The following ADGB variants were observed in gnomAD, a reference collection of about 807,000 sequenced individuals.
The protein encoded by ADGB is androglobin.
Under a neutral mutation model 210.5 loss-of-function variants are expected in ADGB, and 172 were observed. The observed-to-expected ratio is 0.82, with a 90% CI of 0.72 to 0.93. ADGB has a LOEUF of 0.93. Ranked by LOEUF, ADGB falls within the 40% of genes least tolerant of loss-of-function variation. The pLI is 0.00. For missense variants in ADGB, 2,025 were observed against 1,964.8 expected (o/e 1.03, Z -0.58); for synonymous variants, 658 against 662.7 (o/e 0.99, Z 0.11).
intron 9 of ADGB, among the ~76,000 whole-genome samples, chr6:146,677,547 C>A (rs1295559942): frequency 6.6e-6 from 1 of 151,930 alleles, no homozygotes; most frequent in Admixed American, 6.6e-5. Context: ...TATATTGATG[C>A]CTTAAGCAAT....
At chr6:146,805,373 G>T (rs1778195837) in intron 35 of ADGB, among the ~76,000 whole-genome samples, 1 of 152,124 alleles carries the variant, frequency 6.6e-6, no homozygotes, top group African/African-American at 2.4e-5. Context: ...CCCAATTTGT[G>T]GTTCTTACAG....
At chr6:146,806,978 A>C (rs1030792508) in intron 35 of ADGB, among the ~76,000 whole-genome samples, 14 of 152,212 alleles carry the variant, frequency 9.2e-5, no homozygotes, top group African/African-American at 3.4e-4. Context: ...ATTTGGCCAT[A>C]CTATTTGGAG....
At chr6:146,811,752 A>C (rs1039843352) in intron 35 of ADGB, among the ~76,000 whole-genome samples, 4 of 151,602 alleles carry the variant, frequency 2.6e-5, no homozygotes, top group Admixed American at 2.6e-4. Flanking sequence ...GCTCACTGCA[A>C]CCTCCACCTC....
At chr6:146,788,922 TA>T (rs1296778902) in intron 33 of ADGB, among the ~76,000 whole-genome samples, 1 of 152,208 alleles carries the variant, frequency 6.6e-6, no homozygotes, top group African/African-American at 2.4e-5. Context: ...CACTTCTCGT[TA>T]AACACAGATT....
intron 1 of ADGB, among the ~76,000 whole-genome samples, chr6:146,610,593 G>A (rs1327350993): frequency 1.3e-5 from 2 of 152,150 alleles, no homozygotes; most frequent in African/African-American, 4.8e-5. Flanking sequence ...TTCATTTCTG[G>A]ATGATTTCAG....
intron 10 of ADGB, among the ~76,000 whole-genome samples, chr6:146,689,892 C>T (rs1344548603): frequency 2.0e-5 from 3 of 152,064 alleles, no homozygotes; most frequent in Non-Finnish European, 4.4e-5. Context: ...CACTCTAAGA[C>T]ATAATTCCAG....
At chr6:146,711,178 A>G (rs1286224034) in intron 13 of ADGB, among the ~76,000 whole-genome samples, 1 of 152,208 alleles carries the variant, frequency 6.6e-6, no homozygotes, top group African/African-American at 2.4e-5. Context: ...TTACTGCTGA[A>G]GCAAATATGA....
chr6:146,613,240 A>C (rs576801555), intron 1 of ADGB, among the ~76,000 whole-genome samples: 20 of 152,350 alleles, frequency 1.3e-4, no homozygotes, highest in African/African-American at 4.3e-4. Flanking sequence ...TGTAAAACCA[A>C]GTGAATCAAA....
intron 1 of ADGB, among the ~76,000 whole-genome samples, chr6:146,614,219 C>CCCTTCCTCCCTTCCTTCCTT (rs1780755915): frequency 2.1e-5 from 1 of 48,516 alleles, no homozygotes; most frequent in African/African-American, 5.6e-5. Flanking sequence ...CTTCCTTCCT[C>CCCTTCCTCCCTTCCTTCCTT]CCTTCCTTCC....
intron 1 of ADGB, among the ~76,000 whole-genome samples, chr6:146,624,271 A>G (rs1780940769): frequency 6.6e-6 from 1 of 151,916 alleles, no homozygotes; most frequent in Admixed American, 6.6e-5. Flanking sequence ...AGATATTCAT[A>G]TCTCCAATCC....
chr6:146,695,920 G>A (rs1276186827), intron 12 of ADGB, among the ~76,000 whole-genome samples: 5 of 151,952 alleles, frequency 3.3e-5, no homozygotes, highest in Admixed American at 2.6e-4. Context: ...GAATGTAATT[G>A]TCCTAATAGT....
chr6:146,687,254 C>G (rs1026878866), intron 10 of ADGB, among the ~76,000 whole-genome samples: 3 of 152,096 alleles, frequency 2.0e-5, no homozygotes, highest in African/African-American at 7.2e-5. Flanking sequence ...TCTCCCAAGT[C>G]AAGCCTCTTG....
intron 2 of ADGB, among the ~76,000 whole-genome samples, chr6:146,636,303 G>A (rs191550964): frequency 6.6e-6 from 1 of 152,088 alleles, no homozygotes; most frequent in African/African-American, 2.4e-5. Flanking sequence ...AAAGCATTCT[G>A]AAATAGTAAA....
intron 10 of ADGB, among the ~76,000 whole-genome samples, chr6:146,690,370 T>A (rs1275060559): frequency 1.3e-5 from 2 of 152,242 alleles, no homozygotes; most frequent in East Asian, 3.8e-4. Context: ...ATGTTGTTAA[T>A]ATTTCAATTT....
At chr6:146,736,355 G>A (rs764645377) in intron 22 of ADGB, 143 bp from the exon 23 acceptor site, 45 of 551,448 alleles carry the variant, frequency 8.2e-5, no homozygotes, top group Non-Finnish European at 1.4e-4. Flanking sequence ...TTAAACCTGA[G>A]TTTTCTGCTA....
chr6:146,635,401 A>C lies in ADGB; in HGVS notation c.101A>C (p.Gln34Pro). 1 of 1,541,556 alleles carries C rather than the reference A, an allele frequency of 6.5e-7. No individual in the cohort carries two copies. The highest frequency in any genetic ancestry group is 8.8e-7 in the Non-Finnish European group (1 of 1,142,238). ...TTCTATCCTTTTGGCAGTAATGTAC[A>C]ATCTGGTTCTACTGAACAAAAGAAG... ...KDFYPFGSNV[Q>P]SGSTEQKKGK... Residue 34 changes from glutamine to proline, a missense_variant, in exon 2 of 36, where the codon CAA (glutamine) becomes CCA (proline). Physicochemically the swap from Gln to Pro is moderately conservative, Grantham distance 76. Coordinates refer to ENST00000397944, the MANE Select transcript of ADGB (RefSeq NM_024694.4).
rs550480787 is a variant in ADGB at position 146,748,532 on chromosome 6, C to T, written c.3365+2423C>T. 1.4e-3 allele frequency among the ~76,000 whole-genome samples: 208 copies of T among 152,258 alleles called. 1 individual carries two copies. The highest frequency in any genetic ancestry group is 2.5e-3 in the Non-Finnish European group (167 of 68,012). The stretch of plus-strand genomic sequence containing the variant: ...TTATCCTTAGCTTTTAGAAGCATCA[C>T]GTCTATCTCTGCCAACATCTTCACG... On this transcript the variant is annotated intron_variant, in intron 26 of 35. Transcript: ENST00000397944.
chr6:146,629,056 T>C (rs1266230496), intron 1 of ADGB, among the ~76,000 whole-genome samples: 1 of 152,190 alleles, frequency 6.6e-6, no homozygotes, highest in Admixed American at 6.5e-5. Flanking sequence ...CAAATTGTAT[T>C]AAAACATTCA....
At chr6:146,787,497 G>A (rs1777889535) in intron 32 of ADGB, among the ~76,000 whole-genome samples, 1 of 149,562 alleles carries the variant, frequency 6.7e-6, no homozygotes, top group South Asian at 2.1e-4. Context: ...ATTTTATGTA[G>A]GTTCAACTTA....
Sources: allele counts gnomAD v4.1 joint callset (sites outside exome capture counted in the v4.1 genomes callset), GRCh38; gene constraint gnomAD v4.1.1; transcripts MANE v1.5; gene names NCBI Gene and HGNC (gene_info 2026-07-23, HGNC 2026-07-21).